SCTR: variants seen among roughly 807,000 people sequenced by gnomAD.
SCTR encodes secretin receptor.
A neutral mutation model predicts 60.8 loss-of-function variants in SCTR; 56 were observed. The ratio of observed to expected loss-of-function variants is 0.92; its 90% CI spans 0.74 to 1.15. The LOEUF (loss-of-function observed/expected upper bound fraction) is 1.15, where lower values mean the gene tolerates loss of function less well. Among genes scored for constraint, SCTR ranks in the 50% most tolerant of loss-of-function variants. The pLI is 0.00. For synonymous variants in SCTR, 202 were observed against 217.0 expected (o/e 0.93, Z 0.61); for missense variants, 562 against 550.4 (o/e 1.02, Z -0.21).
intron 4 of SCTR, 140 bp from the exon 5 acceptor site, chr2:119,466,026 C>T (rs1362572133): frequency 3.2e-6 from 2 of 625,708 alleles, no homozygotes; most frequent in East Asian, 5.6e-5. Flanking sequence ...AATTCACAGA[C>T]ACATAACACC....
chr2:119,499,173 C>T (rs1251114692), intron 1 of SCTR, among the ~76,000 whole-genome samples: 3 of 151,920 alleles, frequency 2.0e-5, no homozygotes, highest in African/African-American at 7.2e-5. Context: ...TCAAAAAATA[C>T]ATAGCAATGG....
At position 119,440,214 on chromosome 2, in the gene SCTR, C is replaced by T. The variant is rs143372231; in HGVS notation, c.1226G>A (p.Arg409His). The change falls in exon 13 of 13, where the codon CGT becomes CAT. Residue 409 changes from arginine (R) to histidine (H), a missense_variant. Physicochemically the swap from Arg to His is conservative, Grantham distance 29 (BLOSUM62 0). Coordinates refer to ENST00000019103, the MANE Select transcript of SCTR (RefSeq NM_002980.3). ...GGCCACGGGGTGCAGTGGGAACTCA[C>T]GGAGGTGCCATTGCTGCCACTTCTT... Reference protein sequence around the residue: ...VQKKWQQWHLREFPLHPVASF... With the variant: ...VQKKWQQWHLHEFPLHPVASF... The T allele has an allele frequency of 3.8e-5, 61 of 1,613,948 alleles. No homozygotes were observed. The highest frequency in any genetic ancestry group is 2.5e-4 in the African/African-American group (19 of 74,946).
At chr2:119,471,323 G>A (rs542534527) in intron 4 of SCTR, among the ~76,000 whole-genome samples, 11 of 151,744 alleles carry the variant, frequency 7.2e-5, no homozygotes, top group South Asian at 4.1e-4. Flanking sequence ...CATATAAGTC[G>A]ATGATAGAAC....
chr2:119,522,551 A>G (rs896813629), intron 1 of SCTR, among the ~76,000 whole-genome samples: 3 of 152,168 alleles, frequency 2.0e-5, no homozygotes, highest in Non-Finnish European at 2.9e-5. Flanking sequence ...GCATCCTTCC[A>G]AGGTACACTG....
At chr2:119,440,392 G>C (rs1006955357) in intron 12 of SCTR, 135 bp from the exon 13 acceptor site, 1 of 970,614 alleles carries the variant, frequency 1.0e-6, no homozygotes, top group African/African-American at 1.6e-5. Flanking sequence ...TGCAGGCCAC[G>C]CAGATTGACT....
intron 1 of SCTR, among the ~76,000 whole-genome samples, chr2:119,523,156 G>C (rs925243878): frequency 3.9e-5 from 6 of 152,196 alleles, no homozygotes; most frequent in African/African-American, 1.4e-4. Flanking sequence ...GGGTCCCCAA[G>C]CGCGTTCCCT....
chr2:119,463,405 A>G (rs756587990), intron 6 of SCTR, among the ~76,000 whole-genome samples: 16 of 152,216 alleles, frequency 1.1e-4, no homozygotes, highest in South Asian at 2.1e-4. Context: ...CTGGGGTTGC[A>G]GCAGTCATAT....
intron 2 of SCTR, among the ~76,000 whole-genome samples, chr2:119,491,326 G>A (rs180835352): frequency 1.6e-4 from 25 of 152,266 alleles, no homozygotes; most frequent in Admixed American, 1.5e-3. Context: ...TCATCCTGCA[G>A]CAGGATCCCT....
At chr2:119,520,553 C>T (rs1216376432) in intron 1 of SCTR, among the ~76,000 whole-genome samples, 2 of 152,244 alleles carry the variant, frequency 1.3e-5, no homozygotes, top group African/African-American at 4.8e-5. Context: ...AGCCACAGGG[C>T]TTGTCAGCTT....
chr2:119,454,136 G>A (rs952482824), intron 7 of SCTR, among the ~76,000 whole-genome samples: 7 of 152,164 alleles, frequency 4.6e-5, no homozygotes, highest in African/African-American at 7.2e-5. Flanking sequence ...CTGATGTCCC[G>A]AGCAGAGGAA....
intron 7 of SCTR, among the ~76,000 whole-genome samples, chr2:119,457,887 G>A (rs1248603218): frequency 6.6e-6 from 1 of 152,188 alleles, no homozygotes; most frequent in Non-Finnish European, 1.5e-5. Context: ...GCTGAGCTCG[G>A]GAATAAGAAG....
rs751747702 is a variant in SCTR, at chr2:119,440,191, C to A, written c.1249G>T (p.Ala417Ser). ...HLREFPLHPV[A>S]SFSNSTKASH... ...GCCTTGGTGCTGTTGCTGAAGGAGG[C>A]CACGGGGTGCAGTGGGAACTCACGG... The change falls in exon 13 of 13, where the codon GCC (alanine) becomes TCC (serine). Residue 417 changes from alanine (A) to serine (S), a missense_variant. Coordinates refer to ENST00000019103, the MANE Select transcript of SCTR (RefSeq NM_002980.3). 6.2e-7 allele frequency: 1 copy of A among 1,614,062 alleles called. No homozygotes were observed. Among genetic ancestry groups the A allele is most frequent in the Non-Finnish European group, 8.5e-7 (1 of 1,180,008 alleles).
chr2:119,449,047 C>T (rs1182697564), intron 9 of SCTR, among the ~76,000 whole-genome samples: 1 of 152,220 alleles, frequency 6.6e-6, no homozygotes. Context: ...GCAGATCACT[C>T]ACCCGTGCAG....
chr2:119,499,599 A>C (rs1311174156), intron 1 of SCTR, among the ~76,000 whole-genome samples: 1 of 152,136 alleles, frequency 6.6e-6, no homozygotes, highest in Non-Finnish European at 1.5e-5. Flanking sequence ...GAAATGAAGC[A>C]ACACACTTCT....
intron 6 of SCTR, among the ~76,000 whole-genome samples, 188 bp from the exon 7 acceptor site, chr2:119,462,188 G>A (rs1683639114): frequency 6.6e-6 from 1 of 152,158 alleles, no homozygotes; most frequent in Non-Finnish European, 1.5e-5. Context: ...GAGAGTAGGA[G>A]TCCACAGGCC....
chr2:119,447,375 G>A (rs1328428817), intron 10 of SCTR, among the ~76,000 whole-genome samples: 10 of 152,156 alleles, frequency 6.6e-5, no homozygotes, highest in African/African-American at 2.4e-4. Flanking sequence ...CACCATGTGG[G>A]GGTATAAATA....
chr2:119,513,452 C>T (rs1030032045), intron 1 of SCTR, among the ~76,000 whole-genome samples: 1 of 152,078 alleles, frequency 6.6e-6, no homozygotes, highest in African/African-American at 2.4e-5. Flanking sequence ...AGAAAAATCA[C>T]TAAATGGTAC....
intron 1 of SCTR, among the ~76,000 whole-genome samples, chr2:119,496,805 C>A (rs765793469): frequency 1.4e-4 from 21 of 152,170 alleles, no homozygotes; most frequent in Non-Finnish European, 2.5e-4. Context: ...TGCCAACCAC[C>A]ACAGAAAACC....
At chr2:119,519,092 C>T (rs1295066507) in intron 1 of SCTR, among the ~76,000 whole-genome samples, 2 of 152,128 alleles carry the variant, frequency 1.3e-5, no homozygotes, top group African/African-American at 2.4e-5. Flanking sequence ...CTCAGCTTCC[C>T]GAGTAGCTGA....
Sources: allele counts gnomAD v4.1 joint callset (sites outside exome capture counted in the v4.1 genomes callset), GRCh38; gene constraint gnomAD v4.1.1; transcripts MANE v1.5; gene names NCBI Gene and HGNC (gene_info 2026-07-23, HGNC 2026-07-21).